MGST2: variants seen among roughly 807,000 people sequenced by gnomAD.
MGST2 encodes glutathione peroxidase MGST2.
MGST2 carries 9 observed loss-of-function variants against 16.6 expected under a neutral mutation model. That is an observed-to-expected ratio of 0.54 (90% CI 0.33 to 0.95). The LOEUF is 0.95. MGST2 is among the 40% of genes least tolerant of loss of function. The pLI, the probability that MGST2 is intolerant of heterozygous loss-of-function variation, is 0.03. For missense variants in MGST2, 159 were observed against 175.1 expected, an observed-to-expected ratio of 0.91 and a Z score of 0.52; for synonymous variants, 79 against 68.0, an observed-to-expected ratio of 1.16 and a Z score of -0.79.
intron 5 of MGST2, chr4:139,730,753 G>T: frequency 8.0e-7 from 1 of 1,252,840 alleles, no homozygotes; most frequent in East Asian, 2.5e-5. Flanking sequence ...AAAAGGGAAC[G>T]GGGCAGAAGT....
intron 1 of MGST2, among the ~76,000 whole-genome samples, chr4:139,675,345 A>T (rs1275616899): frequency 6.6e-6 from 1 of 152,138 alleles, no homozygotes; most frequent in African/African-American, 2.4e-5. Context: ...GAAGTTAAGG[A>T]CAGGAGGCAA....
rs1731634670 is a variant in MGST2 at position 139,687,591 on chromosome 4, C to T, written c.159-7606C>T. On this transcript the variant is annotated intron_variant, in intron 2 of 4. Coordinates refer to ENST00000265498, the MANE Select transcript of MGST2 (RefSeq NM_002413.5). Reference sequence around the variant, plus strand: ...TTAGAGGTCCAGCCTTTTCCCTACCCTTTTCTCCTGCTGATTTTGCCCTCA... The same window carrying T: ...TTAGAGGTCCAGCCTTTTCCCTACCTTTTTCTCCTGCTGATTTTGCCCTCA... 2.0e-5 allele frequency: 3 copies of T among 152,242 alleles called. No homozygotes were observed. The South Asian group carries it at 6.2e-4, about 32-fold the overall frequency. The allele number at this position is 152,242 out of a possible 1,614,324, so 9.4% of individuals were successfully genotyped here.
At position 139,731,710 on chromosome 4, in the gene MGST2, C is replaced by T. The variant is rs556604235; in HGVS notation, c.*49-8502C>T. On this transcript the variant is annotated intron_variant, in intron 5 of 5. Coordinates refer to the MGST2 transcript ENST00000616265. ...ATTCTATAATTATATGTCAGCCAGTCGAATGATGGCAACTTTTAAGGACTG... is the reference window on the plus strand; with the variant it reads ...ATTCTATAATTATATGTCAGCCAGTTGAATGATGGCAACTTTTAAGGACTG... Among the ~76,000 whole-genome samples, 24 of 152,194 alleles carry T rather than the reference C, an allele frequency of 1.6e-4. 1 individual carries two copies. The highest frequency in any genetic ancestry group is 1.4e-3 in the Admixed American group (22 of 15,286).
intron 3 of MGST2, among the ~76,000 whole-genome samples, chr4:139,697,529 T>G (rs987988889): frequency 6.6e-6 from 1 of 152,200 alleles, no homozygotes; most frequent in Non-Finnish European, 1.5e-5. Context: ...CAGCTTTAGA[T>G]CCTTCATCTT....
At position 139,731,461 on chromosome 4, in the gene MGST2, A is replaced by AAAT. The variant is rs1212260930; in HGVS notation, c.*49-8749_*49-8748insTAA. On this transcript the variant is annotated intron_variant, in intron 5 of 5. Coordinates refer to the MGST2 transcript ENST00000616265. ...AAAAAAAAAAAAAAAAAAAAAAAAA[A>AAAT]AAAAAAATTAGCCAGACATGGTGGT... 7.3e-5 allele frequency: 12 copies of AAAT among 165,346 alleles called. 1 individual carries two copies. The highest frequency in any genetic ancestry group is 2.6e-4 in the Admixed American group (4 of 15,246). The allele number at this position is 165,346 out of a possible 1,614,324, so 10.2% of individuals were successfully genotyped here.
intron 1 of MGST2, among the ~76,000 whole-genome samples, chr4:139,669,179 G>A (rs547420699): frequency 6.6e-6 from 1 of 152,120 alleles, no homozygotes; most frequent in African/African-American, 2.4e-5. Context: ...ACTTTGGAAT[G>A]CCCTTGGCTG....
chr4:139,723,049 G>C (rs1193695623), intron 5 of MGST2, among the ~76,000 whole-genome samples: 1 of 152,222 alleles, frequency 6.6e-6, no homozygotes, highest in Non-Finnish European at 1.5e-5. Context: ...CCCCAAAGGT[G>C]AATTCTCTCT....
At chr4:139,713,534 CT>C (rs1437450824) in intron 5 of MGST2, among the ~76,000 whole-genome samples, 2 of 148,978 alleles carry the variant, frequency 1.3e-5, no homozygotes, top group African/African-American at 4.9e-5. Context: ...AAGAAAAAAC[CT>C]TTTTCCAGAA....
Position 139,715,312 on chromosome 4 carries a change from G to T in MGST2, c.*48+11116G>T, listed in dbSNP as rs953031927. ...GGTGTCTCCCCAGTATCGTCCCATC[G>T]TTCTCCAGAAATATGTTAGAGGACT... is the stretch of plus-strand genomic sequence containing the variant. On this transcript the variant is annotated intron_variant, in intron 5 of 5. Coordinates refer to the MGST2 transcript ENST00000616265. The surrounding 1 kb of genome is among the most constrained non-coding windows in gnomAD (Gnocchi z 4.4). 6.6e-6 allele frequency among the ~76,000 whole-genome samples: 1 copy of T among 152,098 alleles called. No homozygotes were observed. Among genetic ancestry groups the T allele is most frequent in the African/African-American group, 2.4e-5 (1 of 41,414 alleles).
At chr4:139,703,934 G>A (rs1323567432) in intron 4 of MGST2, 82 bp from the exon 5 acceptor site, 15 of 1,567,344 alleles carry the variant, frequency 9.6e-6, no homozygotes, top group South Asian at 3.3e-5. Flanking sequence ...CAGTGTTAAC[G>A]ATAGGACAGC....
chr4:139,683,081 G>T (rs532549394), intron 2 of MGST2, among the ~76,000 whole-genome samples: 2 of 152,166 alleles, frequency 1.3e-5, no homozygotes, highest in Non-Finnish European at 2.9e-5. Context: ...GCAGGCAAGC[G>T]GGGGCAGTTC....
chr4:139,684,088 C>A (rs2110840744), intron 2 of MGST2, among the ~76,000 whole-genome samples: 1 of 152,136 alleles, frequency 6.6e-6, no homozygotes, highest in South Asian at 2.1e-4. Context: ...CCATGCCTAG[C>A]TAATTTTTTG....
At chr4:139,707,010 A>C (rs1394331557), downstream of MGST2, among the ~76,000 whole-genome samples, 1 of 152,102 alleles carries the variant, frequency 6.6e-6, no homozygotes, top group East Asian at 1.9e-4. Context: ...GATAGAGAAG[A>C]ACTTTTCTGC....
At chr4:139,733,240 T>C (rs1728795316) in intron 5 of MGST2, among the ~76,000 whole-genome samples, 1 of 152,242 alleles carries the variant, frequency 6.6e-6, no homozygotes, top group African/African-American at 2.4e-5. Flanking sequence ...TATTTGATAC[T>C]TTCCAGTTTT....
chr4:139,681,205 A>G (rs1370803878), intron 2 of MGST2, among the ~76,000 whole-genome samples: 2 of 152,108 alleles, frequency 1.3e-5, no homozygotes, highest in Non-Finnish European at 2.9e-5. Context: ...TTTGGTAGAG[A>G]TAAGGTTTCA....
Position 139,666,064 on chromosome 4 carries a change from G to A in MGST2, c.45G>A (p.Ser15=). 6.2e-7 allele frequency: 1 copy of A among 1,613,778 alleles called. No homozygotes were observed. The highest frequency in any genetic ancestry group is 8.5e-7 in the Non-Finnish European group (1 of 1,179,992). The part of the protein sequence containing the change: ...SILLAAVSIL[S]ACQQSYFALQ... ...TGCTGGCTGCTGTCTCTATTCTCTC[G>A]GCCTGTCAGCAAAGTAAGAGGCATG... Residue 15 remains serine (S), a synonymous_variant, in exon 1 of 5, where the codon TCG becomes TCA. Transcript: ENST00000265498.
intron 5 of MGST2, among the ~76,000 whole-genome samples, chr4:139,716,312 G>A (rs910715409): frequency 1.3e-5 from 2 of 152,150 alleles, no homozygotes; most frequent in Admixed American, 1.3e-4. Flanking sequence ...GGGTGGTGGA[G>A]GCTGTTTACT....
chr4:139,704,266 AAC>A, downstream of MGST2: 2 of 1,278,534 alleles, frequency 1.6e-6, no homozygotes, highest in East Asian at 2.4e-5. Flanking sequence ...GCTTTGTAGA[AAC>A]ACACACTTTA....
intron 5 of MGST2, chr4:139,725,918 G>A: frequency 8.6e-7 from 1 of 1,167,570 alleles, no homozygotes; most frequent in Non-Finnish European, 1.3e-6. Context: ...TTCCGAGGAA[G>A]GTAGTGTTTT....
Sources: gnomAD v4.1 joint callset for allele counts (sites outside exome capture counted in the v4.1 genomes callset) on GRCh38, gnomAD v4.1.1 for gene constraint, Gnocchi (gnomAD v3.1) non-coding constraint, MANE v1.5 for transcripts, NCBI Gene and HGNC (gene_info 2026-07-23, HGNC 2026-07-21) for gene names.